LINGO2: variants seen among roughly 807,000 people sequenced by gnomAD.
The protein encoded by LINGO2 is leucine-rich repeat and immunoglobulin-like domain-containing nogo receptor-interacting protein 2.
Under a neutral mutation model 30.6 loss-of-function variants are expected in LINGO2, and 14 were observed. That is an observed-to-expected ratio of 0.46 (90% CI 0.30 to 0.72). The LOEUF (loss-of-function observed/expected upper bound fraction) is 0.72. LINGO2 is among the 30% of genes least tolerant of loss of function. The pLI, the probability that LINGO2 is intolerant of heterozygous loss-of-function variation, is 0.07. For synonymous variants in LINGO2, 317 were observed against 288.5 expected (o/e 1.10, Z -1.00); for missense variants, 729 against 751.7 (o/e 0.97, Z 0.35).
intron 4 of LINGO2, among the ~76,000 whole-genome samples, chr9:28,024,076 G>T (rs968712211): frequency 2.0e-5 from 3 of 152,076 alleles, no homozygotes; most frequent in Admixed American, 6.6e-5. Flanking sequence ...TTTTCAGTTT[G>T]CTCAGATTTT....
At position 28,215,934 on chromosome 9, in the gene LINGO2, G is replaced by C. The variant is rs750930157; in HGVS notation, c.-87+79274C>G. 3.6e-4 allele frequency among the ~76,000 whole-genome samples: 54 copies of C among 151,862 alleles called. 1 individual carries two copies. The highest frequency in any genetic ancestry group is 7.1e-4 in the Non-Finnish European group (48 of 67,826). On this transcript the variant is annotated intron_variant, in intron 4 of 5. Transcript: ENST00000379992. ...TAAAGAAGCAAACACTGTGAGCTAT[G>C]AGAGTCACTCAGAGAAATGTGCTCA...
At chr9:28,688,633 G>A in the LINGO2 span, among the ~76,000 whole-genome samples, 14,753 of 152,110 alleles carry the variant, frequency 0.097, 959 homozygotes, top group East Asian at 0.2. Context: ...AAATAAACTC[G>A]TTTAAACAAC....
the LINGO2 span, among the ~76,000 whole-genome samples, chr9:28,847,873 A>G: frequency 8.0e-6 from 1 of 125,054 alleles, no homozygotes; most frequent in South Asian, 2.5e-4. Flanking sequence ...ATATACATAT[A>G]CAGTATATAT....
At chr9:28,219,419 T>A (rs930871592) in intron 4 of LINGO2, among the ~76,000 whole-genome samples, 1 of 152,192 alleles carries the variant, frequency 6.6e-6, no homozygotes, top group African/African-American at 2.4e-5. Flanking sequence ...GAGGTTCTTT[T>A]TTAAGGTCTC....
chr9:28,905,631 T>C, the LINGO2 span, among the ~76,000 whole-genome samples: 1 of 152,078 alleles, frequency 6.6e-6, no homozygotes. Context: ...CCTGTGAGAA[T>C]AGATGCTATA....
chr9:28,371,017 T>C (rs1820875688), intron 3 of LINGO2, among the ~76,000 whole-genome samples: 1 of 152,210 alleles, frequency 6.6e-6, no homozygotes, highest in African/African-American at 2.4e-5. Flanking sequence ...AGAGTGCACG[T>C]AAATGGAAGC....
Position 27,966,410 on chromosome 9 carries a change from G to A in LINGO2, c.-35-15704C>T, listed in dbSNP as rs565395117. On this transcript the variant is annotated intron_variant, in intron 5 of 5. Coordinates refer to ENST00000379992, the Ensembl canonical transcript of LINGO2. ...CAGCCATAAAAAAGAATCAGTTAAC[G>A]TCCTTTGCAGGGACATGGATGAAAT... 2.6e-5 allele frequency among the ~76,000 whole-genome samples: 4 copies of A among 152,174 alleles called. No homozygotes were observed. In the South Asian group the frequency reaches 6.2e-4, roughly 24 times the overall value.
the LINGO2 span, among the ~76,000 whole-genome samples, chr9:29,101,593 C>A: frequency 5.9e-5 from 9 of 152,126 alleles, no homozygotes; most frequent in Non-Finnish European, 1.2e-4. Context: ...GGGTAACCAT[C>A]CTTCTATTCT....
At chr9:28,381,312 G>A (rs570515154) in intron 2 of LINGO2, among the ~76,000 whole-genome samples, 4 of 152,198 alleles carry the variant, frequency 2.6e-5, no homozygotes, top group African/African-American at 9.6e-5. Context: ...GTGAGTCTGT[G>A]GGTATTTGGG....
intron 2 of LINGO2, among the ~76,000 whole-genome samples, chr9:28,413,686 C>T (rs1206421652): frequency 6.6e-6 from 1 of 152,076 alleles, no homozygotes; most frequent in Non-Finnish European, 1.5e-5. Flanking sequence ...TGGGACTATG[C>T]TGAGGGCTGA....
At chr9:28,045,803 G>C (rs529880049) in intron 4 of LINGO2, among the ~76,000 whole-genome samples, 1 of 152,310 alleles carries the variant, frequency 6.6e-6, no homozygotes, top group South Asian at 2.1e-4. Context: ...AGCGTGGAGA[G>C]ACATATGGGT....
At chr9:28,059,362 C>T (rs1340217254) in intron 4 of LINGO2, among the ~76,000 whole-genome samples, 6 of 152,042 alleles carry the variant, frequency 3.9e-5, no homozygotes, top group Non-Finnish European at 8.8e-5. Flanking sequence ...TGCCCCCCCA[C>T]CCCACCGGGT....
intron 4 of LINGO2, among the ~76,000 whole-genome samples, chr9:28,261,799 T>C (rs1822573899): frequency 6.6e-6 from 1 of 151,950 alleles, no homozygotes; most frequent in Admixed American, 6.6e-5. Context: ...AATTGAGAAT[T>C]TCATATGTTA....
the LINGO2 span, among the ~76,000 whole-genome samples, chr9:28,683,846 A>G: frequency 6.6e-6 from 1 of 152,178 alleles, no homozygotes; most frequent in African/African-American, 2.4e-5. Flanking sequence ...AGCACATAGT[A>G]GATGCTCATT....
intron 1 of LINGO2, among the ~76,000 whole-genome samples, chr9:28,635,981 C>T (rs1309417035): frequency 6.6e-6 from 1 of 152,060 alleles, no homozygotes; most frequent in African/African-American, 2.4e-5. Context: ...CCACTCTCCC[C>T]ACCCCACAAC....
At chr9:28,669,991 A>C (rs1166612051) in intron 1 of LINGO2, among the ~76,000 whole-genome samples, 1 of 152,032 alleles carries the variant, frequency 6.6e-6, no homozygotes, top group Non-Finnish European at 1.5e-5. Context: ...TTATAAACCC[A>C]GCAGTGGATT....
the LINGO2 span, among the ~76,000 whole-genome samples, chr9:29,158,244 T>C: frequency 6.6e-6 from 1 of 150,696 alleles, no homozygotes. Context: ...TAGTCCCAGC[T>C]ACTTGGGAGG....
At chr9:28,242,438 A>G (rs910559304) in intron 4 of LINGO2, among the ~76,000 whole-genome samples, 3 of 152,182 alleles carry the variant, frequency 2.0e-5, no homozygotes, top group South Asian at 2.1e-4. Context: ...AAAAATAAAA[A>G]GGAAAAACAA....
intron 4 of LINGO2, among the ~76,000 whole-genome samples, chr9:28,055,804 ATATAGTTTTATC>A (rs1824908601): frequency 6.6e-6 from 1 of 152,140 alleles, no homozygotes. Context: ...AAGCCTATGG[ATATAGTTTTATC>A]TAAAAAAGTC....
Sources: allele counts gnomAD v4.1 joint callset (sites outside exome capture counted in the v4.1 genomes callset), GRCh38; gene constraint gnomAD v4.1.1; transcripts MANE v1.5; gene names NCBI Gene and HGNC (gene_info 2026-07-23, HGNC 2026-07-21).